Variants in CYP46A1 observed in about 807,000 individuals in gnomAD.
The protein encoded by CYP46A1 is cytochrome P450 family 46 subfamily A member 1.
Under a neutral mutation model 63.3 loss-of-function variants are expected in CYP46A1, and 20 were observed. The ratio of observed to expected loss-of-function variants is 0.32; its 90% CI spans 0.22 to 0.46. CYP46A1 has a LOEUF of 0.46. CYP46A1 is among the 20% of genes least tolerant of loss of function. The pLI is 1.00. For missense variants in CYP46A1, 445 were observed against 670.8 expected, an observed-to-expected ratio of 0.66 and a Z score of 3.72; for synonymous variants, 268 against 273.6, an observed-to-expected ratio of 0.98 and a Z score of 0.20.
At chr14:99,718,445 G>A (rs904867405) in intron 10 of CYP46A1, among the ~76,000 whole-genome samples, 4 of 152,186 alleles carry the variant, frequency 2.6e-5, no homozygotes, top group African/African-American at 7.2e-5. Context: ...CATGAGACCA[G>A]AAGCTCCAGG....
chr14:99,726,810 C>A lies in CYP46A1; in HGVS notation c.*83C>A. The A allele has an allele frequency of 8.4e-7, 1 of 1,197,226 alleles. No individual in the cohort carries two copies. Among genetic ancestry groups the A allele is most frequent in the Non-Finnish European group, 1.1e-6 (1 of 893,366 alleles). 74.2% of individuals were successfully genotyped at this position (1,197,226 alleles called of 1,614,324 possible). ...CTGCCCACGGCCACCCACCCTTCTC[C>A]CCTGCCCCGTCCCCTGGGCCACCCT... On this transcript the variant is annotated 3_prime_UTR_variant, in exon 15 of 15. Coordinates refer to ENST00000261835, the MANE Select transcript of CYP46A1 (RefSeq NM_006668.2).
intron 11 of CYP46A1, 99 bp downstream of exon 11, chr14:99,721,422 T>C: frequency 1.2e-6 from 1 of 856,208 alleles, no homozygotes; most frequent in Non-Finnish European, 2.0e-6. Context: ...TTCTCAAACT[T>C]TGCTGCATAG....
At chr14:99,709,799 A>C (rs1335013974) in intron 7 of CYP46A1, 2 of 152,228 alleles carry the variant, frequency 1.3e-5, no homozygotes, top group African/African-American at 4.8e-5. Context: ...CAAAGTGTTG[A>C]AAGTCAAAGA....
chr14:99,708,167 C>A, intron 7 of CYP46A1: 1 of 240,156 alleles, frequency 4.2e-6, no homozygotes, highest in Non-Finnish European at 8.3e-6. Context: ...CACCCGTGCG[C>A]ATCATCTAGG....
At chr14:99,713,594 C>T (rs1432693001) in intron 7 of CYP46A1, among the ~76,000 whole-genome samples, 5 of 151,798 alleles carry the variant, frequency 3.3e-5, no homozygotes, top group Admixed American at 6.6e-5. Flanking sequence ...AATAGACAAA[C>T]GTGGCCAGGC....
chr14:99,727,007 A>T lies in CYP46A1; in HGVS notation c.*280A>T. On this transcript the variant is annotated 3_prime_UTR_variant, in exon 15 of 15. Coordinates refer to ENST00000261835, the MANE Select transcript of CYP46A1 (RefSeq NM_006668.2). Reference sequence around the variant, plus strand: ...CACAGGCCACTTGCTCAGACGAGACACCCTAACTCTTGCTCACTCCCTAAA... The same window carrying T: ...CACAGGCCACTTGCTCAGACGAGACTCCCTAACTCTTGCTCACTCCCTAAA... The T allele has an allele frequency of 2.6e-6, 1 of 388,546 alleles. No homozygotes were observed. Among genetic ancestry groups the T allele is most frequent in the Non-Finnish European group, 4.6e-6 (1 of 219,234 alleles). 24.1% of individuals were successfully genotyped at this position (388,546 alleles called of 1,614,324 possible). A position where few individuals can be genotyped will look rare whatever the true frequency, so the allele number is the denominator to read the frequency against.
intron 11 of CYP46A1, 93 bp from the exon 12 acceptor site, chr14:99,721,863 T>A: frequency 2.0e-6 from 2 of 982,630 alleles, no homozygotes; most frequent in Non-Finnish European, 3.2e-6. Context: ...AGCCTGTGGG[T>A]GGGAAAGACA....
At chr14:99,712,944 TAAC>T (rs1307816091) in intron 7 of CYP46A1, 6 of 152,000 alleles carry the variant, frequency 3.9e-5, no homozygotes, top group Non-Finnish European at 8.8e-5. Flanking sequence ...GTTTAAAAAA[TAAC>T]AACAGACATA....
chr14:99,709,298 T>A (rs1441474878), intron 7 of CYP46A1: 1 of 151,866 alleles, frequency 6.6e-6, no homozygotes, highest in Non-Finnish European at 1.5e-5. Flanking sequence ...TGCAAAGAAA[T>A]CAGGAAAACA....
chr14:99,710,557 A>G (rs1216419601), intron 7 of CYP46A1: 1 of 152,212 alleles, frequency 6.6e-6, no homozygotes, highest in African/African-American at 2.4e-5. Context: ...ACAGACTTTA[A>G]GTCAAAAACT....
chr14:99,710,728 T>G (rs958878033), intron 7 of CYP46A1: 1 of 152,138 alleles, frequency 6.6e-6, no homozygotes, highest in Non-Finnish European at 1.5e-5. Context: ...GCTGGGGACT[T>G]CAACACCCCA....
At chr14:99,715,766 C>G (rs767380151) in intron 7 of CYP46A1, 44 bp from the exon 8 acceptor site, 1 of 1,613,226 alleles carries the variant, frequency 6.2e-7, no homozygotes, top group South Asian at 1.1e-5. Flanking sequence ...GGAGAGGGAA[C>G]ATGCGTGTTC....
Position 99,684,479 on chromosome 14 carries a change from C to T in CYP46A1, c.62C>T (p.Thr21Ile). 6.8e-7 allele frequency: 1 copy of T among 1,479,944 alleles called. No homozygotes were observed. Among genetic ancestry groups the T allele is most frequent in the Non-Finnish European group, 8.9e-7 (1 of 1,121,484 alleles). The allele number at this position is 1,479,944 out of a possible 1,614,324, so 91.7% of individuals were successfully genotyped here. A position where few individuals can be genotyped will look rare whatever the true frequency, so the allele number is the denominator to read the frequency against. The change falls in exon 1 of 15, where the codon ACC (threonine) becomes ATC (isoleucine). Residue 21 changes from threonine to isoleucine, a missense_variant. By Grantham distance (89) the Thr-to-Ile change is moderately conservative. Coordinates refer to ENST00000261835, the MANE Select transcript of CYP46A1 (RefSeq NM_006668.2). ...AVLLAFGLCC[T>I]FVHRARSRYE... ...CTGCTCGCCTTCGGCCTCTGCTGCA[C>T]CTTCGTGCACCGCGCTCGCAGCCGC...
chr14:99,691,192 A>C, intron 2 of CYP46A1, 31 bp downstream of exon 2: 1 of 1,611,014 alleles, frequency 6.2e-7, no homozygotes. Flanking sequence ...TGTTGCCCTT[A>C]CTCCAGGTTC....
At chr14:99,686,141 G>A (rs2056491970) in intron 1 of CYP46A1, among the ~76,000 whole-genome samples, 1 of 152,108 alleles carries the variant, frequency 6.6e-6, no homozygotes, top group South Asian at 2.1e-4. Flanking sequence ...AGCAATTCAA[G>A]GTTGAATGGT....
intron 5 of CYP46A1, among the ~76,000 whole-genome samples, chr14:99,703,448 C>T (rs2056649131): frequency 6.6e-6 from 1 of 152,152 alleles, no homozygotes; most frequent in Non-Finnish European, 1.5e-5. Flanking sequence ...GGCTTCCTAT[C>T]ATCTGAGAGA....
chr14:99,701,382 T>C (rs902820406), intron 5 of CYP46A1, among the ~76,000 whole-genome samples: 1 of 152,220 alleles, frequency 6.6e-6, no homozygotes, highest in African/African-American at 2.4e-5. Context: ...TAAAAAAATC[T>C]TTTAGACTGT....
chr14:99,697,904 A>G (rs2056599447), intron 3 of CYP46A1, among the ~76,000 whole-genome samples: 1 of 151,892 alleles, frequency 6.6e-6, no homozygotes, highest in African/African-American at 2.4e-5. Context: ...CAATCTAAGA[A>G]TGGCTCACTT....
intron 9 of CYP46A1, among the ~76,000 whole-genome samples, chr14:99,716,924 G>A (rs536617599): frequency 2.5e-4 from 38 of 152,340 alleles, no homozygotes; most frequent in African/African-American, 9.1e-4. Context: ...CCTATTGGTG[G>A]AGGTGGAAAG....
Sources: allele counts gnomAD v4.1 joint callset (sites outside exome capture counted in the v4.1 genomes callset), GRCh38; gene constraint gnomAD v4.1.1; transcripts MANE v1.5; gene names NCBI Gene and HGNC (gene_info 2026-07-23, HGNC 2026-07-21).